The following PSD3 variants were observed in gnomAD, a reference collection of about 807,000 sequenced individuals.
PSD3 encodes PH and SEC7 domain-containing protein 3.
PSD3 carries 49 observed loss-of-function variants against 105.5 expected under a neutral mutation model. That is an observed-to-expected ratio of 0.46 (90% CI 0.37 to 0.59). PSD3 has a LOEUF of 0.59. Among genes scored for constraint, PSD3 ranks in the 20% least tolerant of loss-of-function variants. The probability of loss-of-function intolerance (pLI) is 0.00; values close to 1 mark genes in which losing one functional copy is unlikely to be tolerated. For missense variants in PSD3, 1,561 were observed against 1,263.8 expected (o/e 1.24, Z -3.57); for synonymous variants, 557 against 457.8 (o/e 1.22, Z -2.77).
At chr8:18,879,460 A>C (rs1166726440) in intron 2 of PSD3, among the ~76,000 whole-genome samples, 1 of 152,214 alleles carries the variant, frequency 6.6e-6, no homozygotes, top group Non-Finnish European at 1.5e-5. Flanking sequence ...AGGTCAATAA[A>C]ATGATGTTCA....
intron 1 of PSD3, among the ~76,000 whole-genome samples, chr8:19,004,257 C>G (rs1826549227): frequency 6.6e-6 from 1 of 152,014 alleles, no homozygotes; most frequent in Non-Finnish European, 1.5e-5. Flanking sequence ...ATAAGAGTCT[C>G]AAGTCTGCAG....
intron 4 of PSD3, among the ~76,000 whole-genome samples, chr8:18,806,511 T>C (rs2129447906): frequency 6.6e-6 from 1 of 152,328 alleles, no homozygotes; most frequent in East Asian, 1.9e-4. Context: ...GACATGCTCA[T>C]AATAAAATGT....
chr8:18,872,872 C>G (rs1005357805), intron 2 of PSD3, 139 bp from the exon 3 acceptor site: 9 of 802,432 alleles, frequency 1.1e-5, no homozygotes, highest in African/African-American at 3.5e-5. Context: ...CTCCCACCAC[C>G]CTGTAACACA....
At chr8:18,956,641 C>T (rs1207897890) in intron 1 of PSD3, among the ~76,000 whole-genome samples, 1 of 152,114 alleles carries the variant, frequency 6.6e-6, no homozygotes, top group Non-Finnish European at 1.5e-5. Flanking sequence ...TAGAGGACCA[C>T]TTATTTTGTT....
At chr8:18,702,655 C>T (rs1262615814) in intron 9 of PSD3, among the ~76,000 whole-genome samples, 1 of 151,872 alleles carries the variant, frequency 6.6e-6, no homozygotes, top group African/African-American at 2.4e-5. Context: ...CTCTGTTGCC[C>T]AGGCTGGAGT....
intron 1 of PSD3, among the ~76,000 whole-genome samples, chr8:18,984,591 T>C (rs1326140583): frequency 1.3e-5 from 2 of 152,244 alleles, no homozygotes; most frequent in East Asian, 1.9e-4. Flanking sequence ...AACTTTCAGT[T>C]TTTAAAATGA....
At chr8:19,046,262 C>G (rs138137802) in intron 1 of PSD3, among the ~76,000 whole-genome samples, 4,726 of 152,172 alleles carry the variant, frequency 0.031, 236 homozygotes, top group African/African-American at 0.11. Flanking sequence ...CAGGCACGTG[C>G]CACCACACCT....
At chr8:18,653,247 T>C (rs1483217312) in intron 10 of PSD3, among the ~76,000 whole-genome samples, 2 of 152,170 alleles carry the variant, frequency 1.3e-5, no homozygotes, top group Non-Finnish European at 2.9e-5. Context: ...AATTCCTTCA[T>C]TTTATAGGTG....
intron 10 of PSD3, among the ~76,000 whole-genome samples, chr8:18,653,915 T>C (rs566029421): frequency 6.6e-6 from 1 of 152,200 alleles, no homozygotes; most frequent in Non-Finnish European, 1.5e-5. Context: ...CTAGACTACA[T>C]ATTCTGCATA....
chr8:18,749,318 C>A (rs778581469), intron 9 of PSD3, among the ~76,000 whole-genome samples: 1 of 152,166 alleles, frequency 6.6e-6, no homozygotes, highest in Non-Finnish European at 1.5e-5. Context: ...TAGCACCCAT[C>A]GGAACTACGT....
intron 9 of PSD3, chr8:18,733,327 A>G (rs1803908177): frequency 6.6e-6 from 1 of 152,232 alleles, no homozygotes; most frequent in Admixed American, 6.5e-5. Flanking sequence ...TTTCTAGAAG[A>G]AAGACTAGAA....
chr8:18,755,848 C>T (rs1300435513), intron 9 of PSD3, among the ~76,000 whole-genome samples: 1 of 151,574 alleles, frequency 6.6e-6, no homozygotes, highest in Non-Finnish European at 1.5e-5. Context: ...ATTTTTCATT[C>T]ATGGTCTGAA....
At chr8:18,944,390 TG>T (rs2129469599) in intron 1 of PSD3, among the ~76,000 whole-genome samples, 1 of 152,144 alleles carries the variant, frequency 6.6e-6, no homozygotes, top group East Asian at 1.9e-4. Flanking sequence ...GCCAACATGG[TG>T]AAACCCCCAT....
intron 9 of PSD3, among the ~76,000 whole-genome samples, chr8:18,735,255 T>G (rs1327687722): frequency 1.3e-5 from 2 of 152,074 alleles, no homozygotes; most frequent in Non-Finnish European, 1.5e-5. Flanking sequence ...GAAGAGCATG[T>G]TGAGATACGG....
chr8:18,867,101 G>A (rs1180784657), intron 4 of PSD3, among the ~76,000 whole-genome samples: 1 of 152,106 alleles, frequency 6.6e-6, no homozygotes, highest in Non-Finnish European at 1.5e-5. Flanking sequence ...AAAGTAGAGA[G>A]AGAAAATAAA....
intron 2 of PSD3, among the ~76,000 whole-genome samples, chr8:18,907,536 C>A (rs758641363): frequency 1.3e-5 from 2 of 152,120 alleles, no homozygotes; most frequent in African/African-American, 2.4e-5. Flanking sequence ...TTTTGACATA[C>A]AAATACTTAC....
chr8:18,556,589 C>G (rs1801090416), intron 14 of PSD3, among the ~76,000 whole-genome samples: 1 of 152,114 alleles, frequency 6.6e-6, no homozygotes, highest in African/African-American at 2.4e-5. Context: ...GTCATAAAAC[C>G]AAATGGCTTC....
chr8:18,568,056 C>T (rs1305985957), intron 14 of PSD3, among the ~76,000 whole-genome samples: 1 of 152,144 alleles, frequency 6.6e-6, no homozygotes, highest in Non-Finnish European at 1.5e-5. Flanking sequence ...ATCTGTTTCC[C>T]TTTCCCCTTC....
chr8:18,788,960 C>T (rs942149458), intron 8 of PSD3, among the ~76,000 whole-genome samples: 4 of 152,130 alleles, frequency 2.6e-5, no homozygotes, highest in Non-Finnish European at 5.9e-5. Flanking sequence ...AATTTTAAAA[C>T]CAGGACTACA....
Sources: gnomAD v4.1 joint callset for allele counts (sites outside exome capture counted in the v4.1 genomes callset) on GRCh38, gnomAD v4.1.1 for gene constraint, MANE v1.5 for transcripts, NCBI Gene and HGNC (gene_info 2026-07-23, HGNC 2026-07-21) for gene names.